The following ZNF626 variants were observed in gnomAD, a reference collection of about 807,000 sequenced individuals.
The protein encoded by ZNF626 is CTC-513N18.7.
In ZNF626, 4 loss-of-function variants were observed where a neutral mutation model predicts 11.7. The observed-to-expected ratio is 0.34, with a 90% CI of 0.17 to 0.78. ZNF626 has a LOEUF of 0.78. Among genes scored for constraint, ZNF626 ranks in the 30% least tolerant of loss-of-function variants. ZNF626 has a pLI of 0.57. For synonymous variants in ZNF626, 179 were observed against 198.6 expected, an observed-to-expected ratio of 0.90 and a Z score of 0.83; for missense variants, 588 against 587.1, an observed-to-expected ratio of 1.00 and a Z score of -0.01.
chr19:20,625,835 TA>T (rs782004032), intron 3 of ZNF626, among the ~76,000 whole-genome samples, 185 bp from the exon 4 acceptor site: 5 of 56,058 alleles, frequency 8.9e-5, no homozygotes, highest in Admixed American at 2.7e-4. Context: ...AATACATTTG[TA>T]AAAAACTTAT....
At chr19:20,657,683 T>G (rs1344859223) in intron 1 of ZNF626, among the ~76,000 whole-genome samples, 1 of 151,996 alleles carries the variant, frequency 6.6e-6, no homozygotes, top group East Asian at 1.9e-4. Context: ...CATGCGACTC[T>G]AATCCCAGCT....
chr19:20,639,177 A>C (rs944739099), intron 3 of ZNF626, among the ~76,000 whole-genome samples: 2 of 152,172 alleles, frequency 1.3e-5, no homozygotes, highest in African/African-American at 2.4e-5. Context: ...AATAGAGCAT[A>C]AACTTTTTGG....
chr19:20,652,591 ATTTATAGCTACATGTGGC>A (rs1555772677), intron 1 of ZNF626, among the ~76,000 whole-genome samples: 12 of 152,234 alleles, frequency 7.9e-5, no homozygotes, highest in Non-Finnish European at 1.6e-4. Context: ...TATTAGTTTA[ATTTATAGCTACATGTGGC>A]AATAGTGAAC....
At chr19:20,632,331 G>C (rs551111811) in intron 3 of ZNF626, among the ~76,000 whole-genome samples, 2 of 152,206 alleles carry the variant, frequency 1.3e-5, no homozygotes, top group South Asian at 4.2e-4. Flanking sequence ...TTGAATGTTG[G>C]TCTGCCTTGC....
chr19:20,649,836 C>T (rs1021824342), intron 1 of ZNF626, among the ~76,000 whole-genome samples: 34 of 145,890 alleles, frequency 2.3e-4, no homozygotes, highest in African/African-American at 7.2e-4. Context: ...CGCCCCTTGG[C>T]GCATTAGCAT....
intron 1 of ZNF626, among the ~76,000 whole-genome samples, chr19:20,660,093 C>G (rs533265489): frequency 2.7e-4 from 41 of 151,924 alleles, no homozygotes; most frequent in Non-Finnish European, 5.1e-4. Flanking sequence ...GAAAACCCGT[C>G]TCTACTAAAC....
chr19:20,631,705 T>C (rs1355902995), intron 3 of ZNF626, among the ~76,000 whole-genome samples: 5 of 151,130 alleles, frequency 3.3e-5, no homozygotes. Flanking sequence ...ATGGGTTTCC[T>C]GAATACAGCA....
intron 1 of ZNF626, among the ~76,000 whole-genome samples, chr19:20,657,824 A>G (rs1555773284): frequency 6.6e-6 from 1 of 152,106 alleles, no homozygotes; most frequent in African/African-American, 2.4e-5. Flanking sequence ...AAAACAAAAA[A>G]CAAACAAAAA....
At chr19:20,645,644 AT>A in intron 3 of ZNF626, 39 bp downstream of exon 3, 1 of 1,592,590 alleles carries the variant, frequency 6.3e-7, no homozygotes, top group Non-Finnish European at 8.5e-7. Flanking sequence ...GGGACCCCTT[AT>A]CTGTGTCATC....
intron 3 of ZNF626, among the ~76,000 whole-genome samples, chr19:20,632,596 TG>T (rs1969918852): frequency 6.6e-6 from 1 of 152,252 alleles, no homozygotes; most frequent in Non-Finnish European, 1.5e-5. Flanking sequence ...CAGAGGCTTC[TG>T]CATTCGTCAC....
In ZNF626 at chr19:20,624,820, A is replaced by C; in HGVS notation, c.1057T>G (p.Ser353Ala). 6.2e-7 allele frequency: 1 copy of C among 1,613,764 alleles called. No individual in the cohort carries two copies. The highest frequency in any genetic ancestry group is 8.5e-7 in the Non-Finnish European group (1 of 1,179,958). ...CTCTTATGTGTAGTAAGGGTAGAGGAGTACTTAAAGGCTTTGCCACATTCT... is the reference window on the plus strand; with the variant it reads ...CTCTTATGTGTAGTAAGGGTAGAGGCGTACTTAAAGGCTTTGCCACATTCT... ...CEECGKAFKY[S>A]STLTTHKRIH... The change falls in exon 4 of 4, where the codon TCC (serine) becomes GCC (alanine). Residue 353 changes from serine (S) to alanine (A), a missense_variant. Physicochemically the swap from Ser to Ala is moderately conservative, Grantham distance 99. Around this residue, in one of 4 missense-constraint regions of ZNF626, gnomAD observed 524 missense variants for 470.1 expected, o/e 1.11. Coordinates refer to ENST00000601440, the MANE Select transcript of ZNF626 (RefSeq NM_001076675.3).
intron 3 of ZNF626, among the ~76,000 whole-genome samples, chr19:20,644,485 A>G (rs1318370372): frequency 6.6e-6 from 1 of 152,164 alleles, no homozygotes; most frequent in African/African-American, 2.4e-5. Context: ...CTTCACTACA[A>G]ATTCAGAGGG....
At chr19:20,661,155 G>A (rs1970263058) in intron 1 of ZNF626, among the ~76,000 whole-genome samples, 1 of 152,154 alleles carries the variant, frequency 6.6e-6, no homozygotes. Context: ...CCCTCCCCTG[G>A]TCCCTGCACA....
intron 1 of ZNF626, among the ~76,000 whole-genome samples, chr19:20,652,882 A>T (rs1463391355): frequency 6.6e-6 from 1 of 152,142 alleles, no homozygotes; most frequent in African/African-American, 2.4e-5. Flanking sequence ...TCTTGTCTAC[A>T]TGTCTACTCA....
chr19:20,649,547 TAG>T (rs1275848309), intron 1 of ZNF626, among the ~76,000 whole-genome samples: 6 of 152,174 alleles, frequency 3.9e-5, no homozygotes, highest in Admixed American at 2.0e-4. Context: ...GGTCTCACCT[TAG>T]AGTCACATAA....
At chr19:20,648,014 A>G (rs531907226) in intron 1 of ZNF626, among the ~76,000 whole-genome samples, 15 of 151,832 alleles carry the variant, frequency 9.9e-5, no homozygotes, top group Non-Finnish European at 1.9e-4. Flanking sequence ...CCCCATCTCT[A>G]TTAAAAATAC....
At chr19:20,652,891 C>T (rs1231170603) in intron 1 of ZNF626, among the ~76,000 whole-genome samples, 1 of 152,130 alleles carries the variant, frequency 6.6e-6, no homozygotes, top group East Asian at 1.9e-4. Context: ...CATGTCTACT[C>T]ACTACACACG....
chr19:20,627,976 G>T (rs1969859371), intron 3 of ZNF626, among the ~76,000 whole-genome samples: 1 of 152,116 alleles, frequency 6.6e-6, no homozygotes. Flanking sequence ...TTCCCTTCCT[G>T]TGTCCATGTA....
chr19:20,632,302 G>A (rs182632382), intron 3 of ZNF626, among the ~76,000 whole-genome samples: 4 of 152,186 alleles, frequency 2.6e-5, no homozygotes, highest in South Asian at 2.1e-4. Flanking sequence ...TCTTTGTGGC[G>A]TTCTCTGTAT....
Sources: allele counts gnomAD v4.1 joint callset (sites outside exome capture counted in the v4.1 genomes callset), GRCh38; gene constraint gnomAD v4.1.1; regional missense constraint gnomAD v4.1.1; transcripts MANE v1.5; gene names NCBI Gene and HGNC (gene_info 2026-07-23, HGNC 2026-07-21).